ADIPOR2: variants seen among roughly 807,000 people sequenced by gnomAD.
The protein encoded by ADIPOR2 is adiponectin receptor protein 2.
A neutral mutation model predicts 40.9 loss-of-function variants in ADIPOR2; 18 were observed. The ratio of observed to expected loss-of-function variants is 0.44; its 90% confidence interval spans 0.30 to 0.65. The LOEUF (loss-of-function observed/expected upper bound fraction) is 0.65, where lower values mean the gene tolerates loss of function less well. Among genes scored for constraint, ADIPOR2 ranks in the 30% least tolerant of loss-of-function variants. The pLI, the probability that ADIPOR2 is intolerant of heterozygous loss-of-function variation, is 0.09. For synonymous variants in ADIPOR2, 165 were observed against 166.4 expected (o/e 0.99, Z 0.06); for missense variants, 283 against 479.2 (o/e 0.59, Z 3.82).
chr12:1,782,138 TC>T (rs1190067047), intron 6 of ADIPOR2, among the ~76,000 whole-genome samples: 1 of 152,220 alleles, frequency 6.6e-6, no homozygotes, highest in East Asian at 1.9e-4. Flanking sequence ...AGTGCAAAAG[TC>T]TAGCAAATCT....
intron 6 of ADIPOR2, among the ~76,000 whole-genome samples, chr12:1,782,976 C>CTTTTTTTTTTTTTTT (rs71055199): frequency 2.7e-5 from 3 of 109,756 alleles, no homozygotes; most frequent in East Asian, 2.7e-4. Context: ...TTCTTTCTTT[C>CTTTTTTTTTTTTTTT]TTTTTTTTTT....
chr12:1,751,667 A>C (rs1486428294), intron 1 of ADIPOR2, among the ~76,000 whole-genome samples: 1 of 151,812 alleles, frequency 6.6e-6, no homozygotes, highest in African/African-American at 2.4e-5. Context: ...GCCACGTGCC[A>C]CCACACCCGG....
chr12:1,756,255 A>G (rs1325642326), intron 2 of ADIPOR2, among the ~76,000 whole-genome samples: 3 of 151,878 alleles, frequency 2.0e-5, no homozygotes, highest in Non-Finnish European at 4.4e-5. Context: ...GGTTCAAGTG[A>G]TTCTCCTGTC....
At chr12:1,746,233 T>C (rs1188209342) in intron 1 of ADIPOR2, among the ~76,000 whole-genome samples, 2 of 152,170 alleles carry the variant, frequency 1.3e-5, no homozygotes, top group African/African-American at 4.8e-5. Flanking sequence ...TATAAACACT[T>C]AAGAGGCTGG....
At chr12:1,715,544 G>T (rs1216639203) in intron 1 of ADIPOR2, among the ~76,000 whole-genome samples, 1 of 152,108 alleles carries the variant, frequency 6.6e-6, no homozygotes, top group Non-Finnish European at 1.5e-5. Context: ...TTAAAAACCG[G>T]ACCATTGTCG....
rs61474948 is a variant in ADIPOR2 at position 1,696,398 on chromosome 12, C to CTTTTTT, written c.-87+5216_-87+5221dup. On this transcript the variant is annotated intron_variant, in intron 1 of 7. Coordinates refer to ENST00000357103, the MANE Select transcript of ADIPOR2 (RefSeq NM_024551.3). ...TTTCTTTCTCTTTTCTTTTTTCCTT[C>CTTTTTT]TTTTTTTTTTTTTTGGTTACAGCGT... 4.9e-5 allele frequency: 7 copies of CTTTTTT among 141,608 alleles called. No individual in the cohort carries two copies. The East Asian group carries it at 8.1e-4, about 16-fold the overall frequency. 8.8% of individuals were successfully genotyped at this position (141,608 alleles called of 1,614,324 possible).
At chr12:1,780,731 A>T in intron 5 of ADIPOR2, 94 bp downstream of exon 5, 1 of 1,406,130 alleles carries the variant, frequency 7.1e-7, no homozygotes, top group African/African-American at 1.5e-5. Flanking sequence ...TCTTAATATC[A>T]TCTCATGCAA....
intron 1 of ADIPOR2, among the ~76,000 whole-genome samples, chr12:1,744,981 T>G (rs567034455): frequency 3.2e-4 from 49 of 152,318 alleles, no homozygotes; most frequent in Non-Finnish European, 1.0e-4. Flanking sequence ...GGGTGCCCTT[T>G]AAATTTTTTT....
intron 1 of ADIPOR2, among the ~76,000 whole-genome samples, chr12:1,705,855 G>A (rs1398541033): frequency 6.6e-6 from 1 of 152,160 alleles, no homozygotes; most frequent in East Asian, 1.9e-4. Context: ...ATAAAAGCAT[G>A]GACTTTGAAG....
At chr12:1,726,880 TGA>T (rs2094709089) in intron 1 of ADIPOR2, among the ~76,000 whole-genome samples, 1 of 152,250 alleles carries the variant, frequency 6.6e-6, no homozygotes, top group East Asian at 1.9e-4. Flanking sequence ...CCCTTCTTTA[TGA>T]TCTTTTCATC....
At chr12:1,692,103 A>ATTTTTTT (rs2094628370) in intron 1 of ADIPOR2, among the ~76,000 whole-genome samples, 2 of 125,848 alleles carry the variant, frequency 1.6e-5, no homozygotes, top group Non-Finnish European at 1.7e-5. Flanking sequence ...TTTTTTTATC[A>ATTTTTTT]CCCCTTCCCC....
intron 1 of ADIPOR2, among the ~76,000 whole-genome samples, chr12:1,721,057 T>C (rs1355897386): frequency 3.9e-5 from 6 of 152,166 alleles, no homozygotes; most frequent in Non-Finnish European, 2.9e-5. Context: ...ACCAAACCAA[T>C]GTACTTCTTA....
intron 1 of ADIPOR2, among the ~76,000 whole-genome samples, chr12:1,706,939 A>G (rs747720596): frequency 6.6e-6 from 1 of 152,212 alleles, no homozygotes; most frequent in Non-Finnish European, 1.5e-5. Context: ...GCAGTGGGCC[A>G]GGATCACACC....
chr12:1,748,405 C>A (rs185427801), intron 1 of ADIPOR2, among the ~76,000 whole-genome samples: 2 of 152,018 alleles, frequency 1.3e-5, no homozygotes, highest in South Asian at 2.1e-4. Context: ...CCCGCCACCA[C>A]GCCTGGCTAA....
intron 1 of ADIPOR2, among the ~76,000 whole-genome samples, chr12:1,708,081 A>G (rs1168155563): frequency 6.6e-6 from 1 of 152,240 alleles, no homozygotes; most frequent in Non-Finnish European, 1.5e-5. Flanking sequence ...ACAAATAAAA[A>G]ATACAGTATA....
chr12:1,706,686 A>T (rs1319576465), intron 1 of ADIPOR2, among the ~76,000 whole-genome samples: 1 of 152,228 alleles, frequency 6.6e-6, no homozygotes, highest in Admixed American at 6.5e-5. Flanking sequence ...ACCCACCCAG[A>T]TAACCATCAC....
At chr12:1,694,458 T>A (rs562713100) in intron 1 of ADIPOR2, among the ~76,000 whole-genome samples, 31 of 152,242 alleles carry the variant, frequency 2.0e-4, no homozygotes, top group Non-Finnish European at 3.5e-4. Context: ...CTTTATATCA[T>A]TTCTAGATTA....
chr12:1,744,410 G>T (rs1433216357), intron 1 of ADIPOR2, among the ~76,000 whole-genome samples: 3 of 150,256 alleles, frequency 2.0e-5, no homozygotes, highest in South Asian at 2.1e-4. Context: ...AGCTTTTTTT[G>T]TTGTTGTTGT....
chr12:1,696,307 C>T (rs931302229), intron 1 of ADIPOR2: 7 of 166,710 alleles, frequency 4.2e-5, no homozygotes, highest in Middle Eastern at 3.4e-3. Context: ...GATTCACCAG[C>T]AGCACCCTCC....
Sources: allele counts gnomAD v4.1 joint callset (sites outside exome capture counted in the v4.1 genomes callset), GRCh38; gene constraint gnomAD v4.1.1; transcripts MANE v1.5; gene names NCBI Gene and HGNC (gene_info 2026-07-23, HGNC 2026-07-21).